The following C1S variants were observed in gnomAD, a reference collection of about 807,000 sequenced individuals.
C1S encodes the protein complement C1s, also known as complement C1s subcomponent.
C1S carries 31 observed loss-of-function variants against 54.0 expected under a neutral mutation model. The observed-to-expected ratio is 0.57, with a 90% CI of 0.43 to 0.78. C1S has a LOEUF of 0.78. Ranked by LOEUF, C1S falls within the 30% of genes least tolerant of loss-of-function variation. The probability of loss-of-function intolerance (pLI) is 0.00; values close to 1 mark genes in which losing one functional copy is unlikely to be tolerated. For missense variants in C1S, 727 were observed against 851.8 expected, an observed-to-expected ratio of 0.85 and a Z score of 1.82; for synonymous variants, 292 against 303.6, an observed-to-expected ratio of 0.96 and a Z score of 0.40.
chr12:7,062,597 A>G lies in C1S; in HGVS notation c.128A>G (p.Glu43Gly), dbSNP rs782041579. 6.2e-7 allele frequency: 1 copy of G among 1,614,146 alleles called. No homozygotes were observed. Among genetic ancestry groups the G allele is most frequent in the South Asian group, 1.1e-5 (1 of 91,086 alleles). Residue 43 changes from glutamate to glycine, a missense_variant, in exon 3 of 12, where the codon GAA becomes GGA. Physicochemically the swap from Glu to Gly is moderately conservative, Grantham distance 98 (BLOSUM62 -2). Transcript: ENST00000360817. ...PSEVEKSWDI[E>G]VPEGYGIHLY... ...GAGGTAGAGAAATCTTGGGACATAGAAGTTCCTGAAGGGTATGGGATTCAC... is the reference window on the plus strand; with the variant it reads ...GAGGTAGAGAAATCTTGGGACATAGGAGTTCCTGAAGGGTATGGGATTCAC...
Position 7,070,774 on chromosome 12 carries a change from C to A in C1S, c.*123C>A. On this transcript the variant is annotated 3_prime_UTR_variant, in exon 12 of 12. Transcript: ENST00000360817. The surrounding 1 kb of genome is among the most constrained non-coding windows in gnomAD (Gnocchi z 4.9). ...ACACGAGCGAATGATTTAAATAGAA[C>A]TTGATTGTTGAGACGCCTTGCTAGA... is the stretch of plus-strand genomic sequence containing the variant. 1 of 892,698 alleles carries A rather than the reference C, an allele frequency of 1.1e-6. No homozygotes were observed. Among genetic ancestry groups the A allele is most frequent in the Non-Finnish European group, 1.8e-6 (1 of 547,884 alleles). The allele number at this position is 892,698 out of a possible 1,614,324, so 55.3% of individuals were successfully genotyped here. A position where few individuals can be genotyped will look rare whatever the true frequency, so the allele number is the denominator to read the frequency against.
chr12:7,063,313 A>T, intron 4 of C1S: 1 of 557,736 alleles, frequency 1.8e-6, no homozygotes, highest in Non-Finnish European at 3.3e-6. Context: ...GAGCCACTAT[A>T]AACTGGGTAT....
chr12:7,066,472 C>T lies in C1S; in HGVS notation c.872-46C>T, dbSNP rs781911664. Reference sequence around the variant, plus strand: ...ATGTAAATAGAATGAGAGTCTTCAACTATTTAGTAATTTTTTCCTCCTGTC... The same window carrying T: ...ATGTAAATAGAATGAGAGTCTTCAATTATTTAGTAATTTTTTCCTCCTGTC... On this transcript the variant is annotated intron_variant, in intron 7 of 11. Transcript: ENST00000360817. The T allele has an allele frequency of 3.7e-6, 4 of 1,067,374 alleles. No individual in the cohort carries two copies. In the South Asian group the frequency reaches 3.8e-5, roughly 10 times the overall value. 66.1% of individuals were successfully genotyped at this position (1,067,374 alleles called of 1,614,324 possible).
At chr12:7,061,673 G>T in intron 1 of C1S, 166 bp from the exon 2 acceptor site, 1 of 614,934 alleles carries the variant, frequency 1.6e-6, no homozygotes, top group Non-Finnish European at 3.0e-6. Flanking sequence ...GTTAGTCGAA[G>T]TTAACTAGGG....
chr12:7,066,826 G>A, intron 8 of C1S, 193 bp downstream of exon 8: 1 of 704,942 alleles, frequency 1.4e-6, no homozygotes. Flanking sequence ...CATTCTCTCT[G>A]CCTTCAGTCT....
intron 1 of C1S, 21 bp from the exon 2 acceptor site, chr12:7,061,818 G>A (rs762959961): frequency 1.4e-6 from 2 of 1,398,488 alleles, no homozygotes; most frequent in Non-Finnish European, 1.0e-6. Context: ...GACAAATACA[G>A]CCAGGCCTGC....
At position 7,069,911 on chromosome 12, in the gene C1S, G is replaced by A. The variant is rs781845594; in HGVS notation, c.1327G>A (p.Asp443Asn). 6.8e-6 allele frequency: 11 copies of A among 1,614,026 alleles called. No homozygotes were observed. The highest frequency in any genetic ancestry group is 6.8e-6 in the Non-Finnish European group (8 of 1,180,016). The change falls in exon 12 of 12, where the codon GAT becomes AAT. Residue 443 changes from aspartate to asparagine, a missense_variant. Physicochemically the swap from Asp to Asn is conservative, Grantham distance 23. Around this residue, in one of 3 missense-constraint regions of C1S, gnomAD observed 360 missense variants for 453.6 expected, o/e 0.79. Transcript: ENST00000360817. Reference sequence around the variant, plus strand: ...AAAACAGAGGATAATTGGAGGATCCGATGCAGATATTAAAAACTTCCCCTG... The same window carrying A: ...AAAACAGAGGATAATTGGAGGATCCAATGCAGATATTAAAAACTTCCCCTG... ...EEKQRIIGGS[D>N]ADIKNFPWQV...
Position 7,062,906 on chromosome 12 carries a change from C to G in C1S, c.230C>G (p.Thr77Ser). Residue 77 changes from threonine to serine, a missense_variant, in exon 4 of 12, where the codon ACT becomes AGT. This residue lies in a region of C1S where 357 missense variants were observed against 365.4 expected (regional missense o/e 0.98). Transcript: ENST00000360817. ...YDSVQIISGD[T>S]EEGRLCGQRS... Reference sequence around the variant, plus strand: ...TTCTCTTAGATAATCTCAGGAGACACTGAAGAAGGGAGGCTCTGTGGACAG... The same window carrying G: ...TTCTCTTAGATAATCTCAGGAGACAGTGAAGAAGGGAGGCTCTGTGGACAG... The G allele has an allele frequency of 6.2e-7, 1 of 1,613,928 alleles. No individual in the cohort carries two copies. Among genetic ancestry groups the G allele is most frequent in the East Asian group, 2.2e-5 (1 of 44,882 alleles).
intron 7 of C1S, 115 bp downstream of exon 7, chr12:7,066,085 G>A (rs1405646408): frequency 2.2e-5 from 21 of 933,450 alleles, no homozygotes; most frequent in Admixed American, 1.4e-4. Flanking sequence ...CTCAGCTACC[G>A]AGGGAGGCTG....
chr12:7,066,092 G>A, intron 7 of C1S, 122 bp downstream of exon 7: 2 of 916,104 alleles, frequency 2.2e-6, no homozygotes, highest in Non-Finnish European at 1.8e-6. Context: ...ACCGAGGGAG[G>A]CTGAGGCAGG....
At chr12:7,069,420 C>T (rs1937775339) in intron 11 of C1S, among the ~76,000 whole-genome samples, 1 of 152,190 alleles carries the variant, frequency 6.6e-6, no homozygotes, top group South Asian at 2.1e-4. Context: ...AAAGTTTGAT[C>T]TGGGCATCTG....
intron 4 of C1S, chr12:7,064,052 G>A (rs782007313): frequency 5.1e-6 from 3 of 590,474 alleles, no homozygotes; most frequent in Non-Finnish European, 3.2e-6. Flanking sequence ...ACACACCCCC[G>A]AGCTTCCTTA....
rs375645883 is a variant in C1S at position 7,070,435 on chromosome 12, C to T, written c.1851C>T (p.Ile617=). 5.6e-6 allele frequency: 9 copies of T among 1,614,200 alleles called. No homozygotes were observed. Among genetic ancestry groups the T allele is most frequent in the East Asian group, 4.5e-5 (2 of 44,882 alleles). Residue 617 remains isoleucine, a synonymous_variant, in exon 12 of 12, where the codon ATC becomes ATT. Transcript: ENST00000360817. The surrounding 1 kb of genome is among the most constrained non-coding windows in gnomAD (Gnocchi z 4.9). The part of the protein sequence containing the change: ...AEAYVFTPNM[I]CAGGEKGMDS... ...CCTATGTTTTCACTCCTAACATGAT[C>T]TGTGCTGGAGGAGAGAAGGGCATGG...
intron 8 of C1S, 62 bp from the exon 9 acceptor site, chr12:7,066,977 T>C: frequency 8.3e-7 from 1 of 1,211,514 alleles, no homozygotes; most frequent in Non-Finnish European, 1.2e-6. Context: ...TCAATTCCAG[T>C]TTTGATTTTG....
intron 8 of C1S, 63 bp downstream of exon 8, chr12:7,066,696 T>C (rs1937676182): frequency 1.0e-6 from 1 of 961,468 alleles, no homozygotes; most frequent in East Asian, 2.4e-5. Flanking sequence ...CGGACTGAAA[T>C]TGTCCAGTTG....
chr12:7,067,462 T>C lies in C1S; in HGVS notation c.1067-181T>C, dbSNP rs782609840. The stretch of plus-strand genomic sequence containing the variant: ...CCATCTGAATTGGCATCTCAGCGGG[T>C]GAGAGAGCTGAGAGATGCCAGTTGG... On this transcript the variant is annotated intron_variant, in intron 9 of 11. Transcript: ENST00000360817. 109 of 759,738 alleles carry C rather than the reference T, an allele frequency of 1.4e-4. No homozygotes were observed. In the Middle Eastern group the frequency reaches 2.6e-3, roughly 18 times the overall value. 47.1% of individuals were successfully genotyped at this position (759,738 alleles called of 1,614,324 possible). A position where few individuals can be genotyped will look rare whatever the true frequency, so the allele number is the denominator to read the frequency against.
chr12:7,065,150 C>G lies in C1S; in HGVS notation c.568C>G (p.Pro190Ala). 7 of 1,614,024 alleles carry G rather than the reference C, an allele frequency of 4.3e-6. No individual in the cohort carries two copies. The highest frequency in any genetic ancestry group is 5.9e-6 in the Non-Finnish European group (7 of 1,179,968). ...TGCACTGATTGGGGAGATTGCAAGT[C>G]CCAATTATCCCAAACCATATCCAGA... ...FTALIGEIAS[P>A]NYPKPYPENS... The change falls in exon 6 of 12, where the codon CCC becomes GCC. Residue 190 changes from proline (P) to alanine (A), a missense_variant. Physicochemically the swap from Pro to Ala is conservative, Grantham distance 27. Coordinates refer to ENST00000360817, the MANE Select transcript of C1S (RefSeq NM_001734.5).
At chr12:7,062,765 G>C (rs1251911157) in intron 3 of C1S, 83 bp downstream of exon 3, 1 of 1,479,258 alleles carries the variant, frequency 6.8e-7, no homozygotes. Context: ...AGTGCCACCT[G>C]TACTCACAGT....
In C1S at chr12:7,070,655, A is replaced by G; in HGVS notation, c.*4A>G. On this transcript the variant is annotated 3_prime_UTR_variant, in exon 12 of 12. Transcript: ENST00000360817. This position sits in a 1 kb window ranked among gnomAD's most constrained non-coding sequence, Gnocchi z 4.9. ...TAGCACCCCCCGTGAGGACTAATCC[A>G]GATACATCCCACCAGCCTCTCCAAG... The G allele has an allele frequency of 1.9e-6, 3 of 1,612,396 alleles. No homozygotes were observed. The highest frequency in any genetic ancestry group is 2.5e-6 in the Non-Finnish European group (3 of 1,178,886).
Sources: allele counts gnomAD v4.1 joint callset (sites outside exome capture counted in the v4.1 genomes callset), GRCh38; gene constraint gnomAD v4.1.1; regional missense constraint gnomAD v4.1.1; non-coding constraint Gnocchi (gnomAD v3.1); transcripts MANE v1.5; gene names NCBI Gene and HGNC (gene_info 2026-07-23, HGNC 2026-07-21).